ATF6: variants seen among roughly 807,000 people sequenced by gnomAD.
ATF6 encodes cyclic AMP-dependent transcription factor ATF-6 alpha.
ATF6 carries 53 observed loss-of-function variants against 83.6 expected under a neutral mutation model. That is an observed-to-expected ratio of 0.63 (90% CI 0.51 to 0.80). The LOEUF (loss-of-function observed/expected upper bound fraction) is 0.80, where lower values mean the gene tolerates loss of function less well. ATF6 is among the 30% of genes least tolerant of loss of function. The pLI, the probability that ATF6 is intolerant of heterozygous loss-of-function variation, is 0.00. For synonymous variants in ATF6, 288 were observed against 285.8 expected, an observed-to-expected ratio of 1.01 and a Z score of -0.08; for missense variants, 744 against 797.9, an observed-to-expected ratio of 0.93 and a Z score of 0.81.
chr1:161,772,880 C>T (rs890227799), intron 1 of ATF6, among the ~76,000 whole-genome samples: 2 of 151,648 alleles, frequency 1.3e-5, no homozygotes, highest in African/African-American at 4.8e-5. Context: ...AAAAAATGTC[C>T]ACGTTCACTG....
intron 9 of ATF6, among the ~76,000 whole-genome samples, chr1:161,845,490 G>A (rs1463829770): frequency 6.6e-6 from 1 of 152,130 alleles, no homozygotes; most frequent in Admixed American, 6.6e-5. Flanking sequence ...AATTAAGGCT[G>A]GGCGCAGTGG....
intron 6 of ATF6, among the ~76,000 whole-genome samples, chr1:161,800,826 G>T (rs529588247): frequency 2.0e-5 from 3 of 152,278 alleles, no homozygotes; most frequent in Admixed American, 2.0e-4. Context: ...GTTTTCTATG[G>T]AGTCATCTGC....
intron 12 of ATF6, 24 bp downstream of exon 12, chr1:161,853,347 C>T (rs759227458): frequency 6.4e-7 from 1 of 1,571,050 alleles, no homozygotes; most frequent in South Asian, 1.1e-5. Flanking sequence ...TGTCTTTGAA[C>T]AATAGTTGGC....
intron 14 of ATF6, among the ~76,000 whole-genome samples, chr1:161,895,996 C>T (rs1687668281): frequency 6.6e-6 from 1 of 152,224 alleles, no homozygotes; most frequent in Non-Finnish European, 1.5e-5. Flanking sequence ...GAAATAGATG[C>T]TGGACCATCC....
chr1:161,801,174 G>A (rs1041204022), intron 6 of ATF6, among the ~76,000 whole-genome samples: 2 of 152,040 alleles, frequency 1.3e-5, no homozygotes, highest in Non-Finnish European at 2.9e-5. Flanking sequence ...ATTCTCGTCA[G>A]ATTAGCATAA....
chr1:161,809,998 G>A (rs978583241), intron 7 of ATF6, among the ~76,000 whole-genome samples: 2 of 152,078 alleles, frequency 1.3e-5, no homozygotes, highest in African/African-American at 4.8e-5. Flanking sequence ...GGATTTGCTG[G>A]GCCAGAAGGT....
At chr1:161,839,552 T>C (rs1686305095) in intron 9 of ATF6, among the ~76,000 whole-genome samples, 1 of 152,076 alleles carries the variant, frequency 6.6e-6, no homozygotes, top group East Asian at 1.9e-4. Flanking sequence ...ATTATTATTA[T>C]CGTAGAGATG....
chr1:161,871,564 A>G (rs1288104970), intron 14 of ATF6, among the ~76,000 whole-genome samples: 2 of 151,686 alleles, frequency 1.3e-5, no homozygotes, highest in East Asian at 3.8e-4. Context: ...TTTTGTAATG[A>G]GGGAAGAAAA....
chr1:161,775,473 C>T (rs1394540850), intron 1 of ATF6, among the ~76,000 whole-genome samples: 1 of 152,094 alleles, frequency 6.6e-6, no homozygotes, highest in Non-Finnish European at 1.5e-5. Context: ...ATTGACATTG[C>T]ACTATAAGAA....
chr1:161,771,873 T>TA (rs1432979680), intron 1 of ATF6, among the ~76,000 whole-genome samples: 3 of 152,350 alleles, frequency 2.0e-5, no homozygotes, highest in African/African-American at 7.2e-5. Flanking sequence ...TCAGTATCCT[T>TA]AGAGAAGATC....
At position 161,781,933 on chromosome 1, in the gene ATF6, G is replaced by T; in HGVS notation, c.181G>T (p.Asp61Tyr). Residue 61 changes from aspartate (D) to tyrosine (Y), a missense_variant, in exon 3 of 16, where the codon GAT becomes TAT. By Grantham distance (160) the Asp-to-Tyr change is radical. Coordinates refer to ENST00000367942, the MANE Select transcript of ATF6 (RefSeq NM_007348.4). The part of the protein sequence containing the change: ...ETYENNFDNL[D>Y]FDLDLMPWES... ...ACAGGAAAACAATTTTGATAATCTT[G>T]ATTTTGATTTGGATTTGATGCCTTG... is the stretch of plus-strand genomic sequence containing the variant. 1.2e-6 allele frequency: 2 copies of T among 1,609,644 alleles called. No homozygotes were observed. Among genetic ancestry groups the T allele is most frequent in the South Asian group, 2.2e-5 (2 of 90,366 alleles).
intron 15 of ATF6, among the ~76,000 whole-genome samples, chr1:161,912,927 GC>G (rs542879231): frequency 1.3e-5 from 2 of 151,884 alleles, no homozygotes; most frequent in Non-Finnish European, 2.9e-5. Context: ...TAATATACCT[GC>G]TTATAGTTTA....
intron 14 of ATF6, among the ~76,000 whole-genome samples, chr1:161,871,044 C>T (rs1183908208): frequency 6.6e-6 from 1 of 151,662 alleles, no homozygotes; most frequent in Non-Finnish European, 1.5e-5. Context: ...TATTGCAATG[C>T]ATTGCAGGCT....
chr1:161,935,908 A>G (rs532887762), intron 15 of ATF6, among the ~76,000 whole-genome samples: 3 of 152,312 alleles, frequency 2.0e-5, no homozygotes, highest in African/African-American at 7.2e-5. Context: ...AATGTTAGAA[A>G]TTTCTTTCTG....
chr1:161,792,276 C>T lies in ATF6; in HGVS notation c.637C>T (p.Pro213Ser), dbSNP rs1264613262. The T allele has an allele frequency of 6.2e-7, 1 of 1,614,070 alleles. No homozygotes were observed. The highest frequency in any genetic ancestry group is 1.7e-5 in the Admixed American group (1 of 60,026). The change falls in exon 6 of 16, where the codon CCA becomes TCA. Residue 213 changes from proline (P) to serine (S), a missense_variant. By Grantham distance (74) the Pro-to-Ser change is moderately conservative (BLOSUM62 -1). Transcript: ENST00000367942. ...IIIQTVPTLM[P>S]LAKQQPIISL... Reference sequence around the variant, plus strand: ...TATTCAGACAGTACCAACGCTTATGCCATTGGCAAAGCAGCAACCAATTAT... The same window carrying T: ...TATTCAGACAGTACCAACGCTTATGTCATTGGCAAAGCAGCAACCAATTAT...
chr1:161,831,649 C>T (rs1229781859), intron 9 of ATF6, among the ~76,000 whole-genome samples: 5 of 152,042 alleles, frequency 3.3e-5, no homozygotes, highest in Admixed American at 1.3e-4. Context: ...TTTGTAGGGA[C>T]ATGGATGAAT....
At position 161,941,982 on chromosome 1, in the gene ATF6, G is replaced by C. The variant is rs111269062; in HGVS notation, c.1805-16464G>C. Among the ~76,000 whole-genome samples, 37 of 151,540 alleles carry C rather than the reference G, an allele frequency of 2.4e-4. No homozygotes were observed. In the East Asian group the frequency reaches 4.7e-3, roughly 19 times the overall value. On this transcript the variant is annotated intron_variant, in intron 15 of 15. Transcript: ENST00000367942. ...CTTATCTTCTTTTTTTCGGCGGGGTGGGGGGGTTTTGTTTGTTTGTTTTTT... is the reference window on the plus strand; with the variant it reads ...CTTATCTTCTTTTTTTCGGCGGGGTCGGGGGGTTTTGTTTGTTTGTTTTTT...
chr1:161,865,369 A>G (rs111567043), intron 14 of ATF6, among the ~76,000 whole-genome samples: 21,571 of 152,104 alleles, frequency 0.14, 2,091 homozygotes, highest in East Asian at 0.31. Flanking sequence ...CATGTTGGCC[A>G]GGATGGTCTC....
At chr1:161,909,042 T>G (rs1687934357) in intron 14 of ATF6, among the ~76,000 whole-genome samples, 1 of 152,208 alleles carries the variant, frequency 6.6e-6, no homozygotes, top group Non-Finnish European at 1.5e-5. Context: ...TTTCACAGAT[T>G]TATAATTTAA....
Sources: gnomAD v4.1 joint callset for allele counts (sites outside exome capture counted in the v4.1 genomes callset) on GRCh38, gnomAD v4.1.1 for gene constraint, MANE v1.5 for transcripts, NCBI Gene and HGNC (gene_info 2026-07-23, HGNC 2026-07-21) for gene names.